The following RNF144A variants were observed in gnomAD, a reference collection of about 807,000 sequenced individuals.
The protein encoded by RNF144A is ring finger protein 144A.
A neutral mutation model predicts 38.7 loss-of-function variants in RNF144A; 11 were observed. That is an observed-to-expected ratio of 0.28 (90% CI 0.18 to 0.47). The LOEUF is 0.47. Among genes scored for constraint, RNF144A ranks in the 20% least tolerant of loss-of-function variants. The pLI is 0.99. For missense variants in RNF144A, 316 were observed against 377.2 expected (o/e 0.84, Z 1.34); for synonymous variants, 149 against 143.9 (o/e 1.04, Z -0.25).
chr2:7,071,252 T>A (rs1674472358), downstream of RNF144A, among the ~76,000 whole-genome samples: 1 of 152,188 alleles, frequency 6.6e-6, no homozygotes, highest in African/African-American at 2.4e-5. Flanking sequence ...GTGACTTTTT[T>A]ACAGAAGCCC....
chr2:7,001,295 C>T (rs1234373578), intron 3 of RNF144A, among the ~76,000 whole-genome samples: 2 of 150,908 alleles, frequency 1.3e-5, no homozygotes, highest in Non-Finnish European at 3.0e-5. Flanking sequence ...AGTGAAACTC[C>T]ATCTCAATAA....
Position 7,039,661 on chromosome 2 carries a change from G to C in RNF144A, c.780G>C (p.Leu260=). 3 of 1,614,022 alleles carry C rather than the reference G, an allele frequency of 1.9e-6. No individual in the cohort carries two copies. Among genetic ancestry groups the C allele is most frequent in the Non-Finnish European group, 2.5e-6 (3 of 1,179,970 alleles). The stretch of plus-strand genomic sequence containing the variant: ...GCATTTTTGCAGGATTTGGGCTGCT[G>C]CTCTTGGTGGCCTCACCTTTCCTAC... The part of the protein sequence containing the change: ...VVGIFAGFGL[L]LLVASPFLLL... The change falls in exon 9 of 9, where the codon CTG becomes CTC. Residue 260 remains leucine, a synonymous_variant. Coordinates refer to ENST00000320892, the MANE Select transcript of RNF144A (RefSeq NM_014746.6).
At chr2:6,952,010 A>G (rs1430767585) in intron 2 of RNF144A, among the ~76,000 whole-genome samples, 8 of 152,204 alleles carry the variant, frequency 5.3e-5, no homozygotes, top group Non-Finnish European at 8.8e-5. Flanking sequence ...GTTCTAATTT[A>G]ATTAAAAATA....
chr2:7,011,232 G>A (rs530892730), intron 3 of RNF144A, among the ~76,000 whole-genome samples: 1 of 152,338 alleles, frequency 6.6e-6, no homozygotes, highest in South Asian at 2.1e-4. Flanking sequence ...AAGCAGCTCA[G>A]CGTATTCATC....
intron 1 of RNF144A, among the ~76,000 whole-genome samples, chr2:6,938,852 T>TTC (rs1665774490): frequency 6.6e-6 from 1 of 152,174 alleles, no homozygotes; most frequent in Non-Finnish European, 1.5e-5. Context: ...TGTGTCTGGC[T>TTC]TCTCTCTCTC....
intron 5 of RNF144A, 82 bp downstream of exon 5, chr2:7,014,854 T>C: frequency 2.0e-6 from 2 of 1,001,998 alleles, no homozygotes; most frequent in Admixed American, 1.8e-5. Flanking sequence ...TTTTGGTAGA[T>C]ATGGTTATAC....
chr2:6,947,314 A>G (rs921373907), intron 2 of RNF144A, among the ~76,000 whole-genome samples: 8 of 152,088 alleles, frequency 5.3e-5, no homozygotes, highest in Admixed American at 5.2e-4. Flanking sequence ...AATTTTTAAT[A>G]GTTGGAACCT....
intron 8 of RNF144A, 79 bp downstream of exon 8, chr2:7,030,294 T>C: frequency 1.1e-6 from 1 of 950,840 alleles, no homozygotes; most frequent in Non-Finnish European, 1.7e-6. Context: ...TGTGTGTGTG[T>C]GTGTGTGTGT....
chr2:6,989,015 C>T (rs1669165536), intron 2 of RNF144A, among the ~76,000 whole-genome samples: 1 of 152,068 alleles, frequency 6.6e-6, no homozygotes, highest in Admixed American at 6.5e-5. Flanking sequence ...AATGTCCTGC[C>T]CCAGTCCTAG....
intron 3 of RNF144A, among the ~76,000 whole-genome samples, chr2:7,007,275 T>C (rs138680318): frequency 2.6e-5 from 4 of 152,284 alleles, no homozygotes; most frequent in African/African-American, 9.6e-5. Context: ...AAACTTTTGG[T>C]TTCATGATGG....
At chr2:6,938,863 A>C (rs114594458) in intron 1 of RNF144A, among the ~76,000 whole-genome samples, 2,700 of 152,110 alleles carry the variant, frequency 0.018, 87 homozygotes, top group African/African-American at 0.061. Context: ...TCTCTCTCTC[A>C]TCTGGCACAA....
intron 2 of RNF144A, among the ~76,000 whole-genome samples, chr2:6,990,546 T>G (rs116176319): frequency 0.014 from 1,921 of 132,734 alleles, 38 homozygotes; most frequent in Admixed American, 0.022. Flanking sequence ...TGTATATATA[T>G]AGAGAGAGAG....
rs796292939 is a variant in RNF144A at position 7,028,488 on chromosome 2, G to T, written c.658-1638G>T. Among the ~76,000 whole-genome samples, 11 of 152,300 alleles carry T rather than the reference G, an allele frequency of 7.2e-5. 1 individual carries two copies. Among genetic ancestry groups the T allele is most frequent in the African/African-American group, 2.4e-4 (10 of 41,558 alleles). On this transcript the variant is annotated intron_variant, in intron 7 of 8. Coordinates refer to ENST00000320892, the MANE Select transcript of RNF144A (RefSeq NM_014746.6). ...CCAGGTGGCTCGGATGTGCAGCCAGGCTTGTCCATGTCTGCTCGCAGAGGT... is the reference window on the plus strand; with the variant it reads ...CCAGGTGGCTCGGATGTGCAGCCAGTCTTGTCCATGTCTGCTCGCAGAGGT...
intron 3 of RNF144A, among the ~76,000 whole-genome samples, chr2:7,009,359 G>C (rs1343377248): frequency 2.0e-5 from 3 of 152,188 alleles, no homozygotes; most frequent in African/African-American, 7.2e-5. Context: ...AGGTAATGCA[G>C]GGGAGCAGCA....
intron 3 of RNF144A, among the ~76,000 whole-genome samples, chr2:7,004,685 G>A (rs140235837): frequency 9.2e-5 from 14 of 152,164 alleles, no homozygotes; most frequent in African/African-American, 1.9e-4. Context: ...GCTCCATTGC[G>A]GATGCTCCTC....
At chr2:7,027,041 C>T (rs375798905) in intron 7 of RNF144A, among the ~76,000 whole-genome samples, 83 of 152,330 alleles carry the variant, frequency 5.4e-4, no homozygotes, top group Middle Eastern at 3.4e-3. Flanking sequence ...CATAAATGCA[C>T]GGCCTGAATC....
intron 1 of RNF144A, among the ~76,000 whole-genome samples, chr2:6,929,743 C>A (rs933458351): frequency 6.6e-6 from 1 of 152,118 alleles, no homozygotes; most frequent in Non-Finnish European, 1.5e-5. Flanking sequence ...GTTATCCACA[C>A]CTACTGTTTA....
intron 1 of RNF144A, among the ~76,000 whole-genome samples, chr2:6,922,247 G>GCAACTGGGAACCTC (rs1553323796): frequency 1.6e-4 from 24 of 151,990 alleles, no homozygotes; most frequent in African/African-American, 5.6e-4. Flanking sequence ...ACTGGGGCCA[G>GCAACTGGGAACCTC]CGAACTAGAC....
intron 3 of RNF144A, among the ~76,000 whole-genome samples, chr2:7,010,235 T>C (rs960148629): frequency 6.6e-6 from 1 of 152,134 alleles, no homozygotes; most frequent in Non-Finnish European, 1.5e-5. Context: ...TATTAGGAAG[T>C]GGAGGCACTG....
Sources: gnomAD v4.1 joint callset for allele counts (sites outside exome capture counted in the v4.1 genomes callset) on GRCh38, gnomAD v4.1.1 for gene constraint, MANE v1.5 for transcripts, NCBI Gene and HGNC (gene_info 2026-07-23, HGNC 2026-07-21) for gene names.